TMC1: variants seen among roughly 807,000 people sequenced by gnomAD.
TMC1 encodes the protein transmembrane channel-like protein 1.
Under a neutral mutation model 105.8 loss-of-function variants are expected in TMC1, and 84 were observed. The observed-to-expected ratio is 0.79, with a 90% CI of 0.67 to 0.95. The LOEUF is 0.95. Ranked by LOEUF, TMC1 falls within the 40% of genes least tolerant of loss-of-function variation. TMC1 has a pLI of 0.00. For missense variants in TMC1, 817 were observed against 914.1 expected (o/e 0.89, Z 1.37); for synonymous variants, 315 against 311.5 (o/e 1.01, Z -0.12).
chr9:72,789,275 A>G lies in TMC1; in HGVS notation c.1182A>G (p.Ala394=), dbSNP rs769519448. The change falls in exon 15 of 24, where the codon GCA becomes GCG. Residue 394 remains alanine, a synonymous_variant. Coordinates refer to ENST00000297784, the MANE Select transcript of TMC1 (RefSeq NM_138691.3). ...FWAVKRSQEF[A]QQDPDTLGWW... is the part of the protein sequence containing the mutation. The stretch of plus-strand genomic sequence containing the variant: ...CTGTGAAGCGATCCCAGGAATTTGC[A>G]CAGCAAGATCCTGACACCCTTGGGT... 10 of 1,613,956 alleles carry G rather than the reference A, an allele frequency of 6.2e-6. No individual in the cohort carries two copies. In the East Asian group the frequency reaches 1.3e-4, roughly 22 times the overall value.
chr9:72,729,937 T>C (rs548578639), intron 8 of TMC1, among the ~76,000 whole-genome samples: 1 of 152,352 alleles, frequency 6.6e-6, no homozygotes, highest in Admixed American at 6.5e-5. Context: ...CTAATAGTAA[T>C]GAACTGAGTG....
intron 5 of TMC1, among the ~76,000 whole-genome samples, chr9:72,650,885 T>TATATATATATATATAA (rs1825797741): frequency 7.1e-6 from 1 of 140,214 alleles, no homozygotes; most frequent in Non-Finnish European, 1.5e-5. Flanking sequence ...TATATATAGA[T>TATATATATATATATAA]ATATAGATAT....
chr9:72,652,421 C>G (rs1195640576), intron 5 of TMC1, among the ~76,000 whole-genome samples: 6 of 152,018 alleles, frequency 3.9e-5, no homozygotes, highest in African/African-American at 1.5e-4. Flanking sequence ...GGCTAGATGG[C>G]TAGTAATGGC....
intron 1 of TMC1, among the ~76,000 whole-genome samples, chr9:72,574,975 G>C (rs573759043): frequency 1.3e-5 from 2 of 152,110 alleles, no homozygotes; most frequent in Non-Finnish European, 2.9e-5. Context: ...TTAGTGCCTT[G>C]AGTTTGGTGT....
intron 11 of TMC1, among the ~76,000 whole-genome samples, chr9:72,753,757 A>C (rs572800455): frequency 6.6e-6 from 1 of 152,254 alleles, no homozygotes; most frequent in Non-Finnish European, 1.5e-5. Context: ...CCTCTACCCG[A>C]CGGGCTCACT....
At chr9:72,715,637 G>C (rs887069353) in intron 8 of TMC1, among the ~76,000 whole-genome samples, 19 of 151,870 alleles carry the variant, frequency 1.3e-4, no homozygotes, top group African/African-American at 4.6e-4. Context: ...CTCTAAACTG[G>C]TTATTTCAGT....
chr9:72,535,464 A>C (rs1010060693), intron 1 of TMC1, among the ~76,000 whole-genome samples: 2 of 152,104 alleles, frequency 1.3e-5, no homozygotes, highest in African/African-American at 4.8e-5. Flanking sequence ...CCAACCTATA[A>C]ACCATATCAG....
chr9:72,660,056 A>G (rs1825950520), intron 5 of TMC1, among the ~76,000 whole-genome samples: 1 of 152,124 alleles, frequency 6.6e-6, no homozygotes, highest in Admixed American at 6.6e-5. Flanking sequence ...GAGGAGGATC[A>G]TCAATGCACT....
chr9:72,778,924 C>A (rs149442322), intron 13 of TMC1, among the ~76,000 whole-genome samples: 21 of 152,332 alleles, frequency 1.4e-4, no homozygotes, highest in Admixed American at 6.5e-5. Flanking sequence ...CAGCCTCCCC[C>A]CTCTGCTTTG....
At chr9:72,667,833 C>T (rs777063944) in intron 5 of TMC1, among the ~76,000 whole-genome samples, 12 of 152,142 alleles carry the variant, frequency 7.9e-5, no homozygotes, top group African/African-American at 2.2e-4. Flanking sequence ...GTTTGTTCAG[C>T]GTTTTTCTTC....
chr9:72,572,067 C>T (rs894280578), intron 1 of TMC1, among the ~76,000 whole-genome samples: 2 of 152,186 alleles, frequency 1.3e-5, no homozygotes, highest in African/African-American at 2.4e-5. Flanking sequence ...AACTCCCAAC[C>T]TCAGGTGATC....
chr9:72,694,646 T>C lies in TMC1; in HGVS notation c.168T>C (p.Pro56=). ...RDVINEDDPE[P]EPEDEETRKA... is the part of the protein sequence containing the mutation. ...TTATCAATGAGGATGACCCAGAACCTGAACCAGAGGATGAAGAAACAAGGA... is the reference window on the plus strand; with the variant it reads ...TTATCAATGAGGATGACCCAGAACCCGAACCAGAGGATGAAGAAACAAGGA... Residue 56 remains proline (P), a synonymous_variant, in exon 7 of 24, where the codon CCT becomes CCC. Coordinates refer to ENST00000297784, the MANE Select transcript of TMC1 (RefSeq NM_138691.3). 4 of 1,612,734 alleles carry C rather than the reference T, an allele frequency of 2.5e-6. No homozygotes were observed. The highest frequency in any genetic ancestry group is 3.4e-6 in the Non-Finnish European group (4 of 1,179,384).
chr9:72,754,165 A>G (rs1259030421), intron 11 of TMC1, among the ~76,000 whole-genome samples: 3 of 152,054 alleles, frequency 2.0e-5, no homozygotes, highest in African/African-American at 7.2e-5. Flanking sequence ...CTATGACCCT[A>G]TTCTTGCCCT....
intron 4 of TMC1, among the ~76,000 whole-genome samples, chr9:72,643,230 T>G (rs1825655976): frequency 6.6e-6 from 1 of 152,072 alleles, no homozygotes; most frequent in Non-Finnish European, 1.5e-5. Context: ...AGATTAATCT[T>G]GATGTTTATT....
chr9:72,546,242 G>A (rs775618655), intron 1 of TMC1, among the ~76,000 whole-genome samples: 8 of 152,072 alleles, frequency 5.3e-5, no homozygotes, highest in Non-Finnish European at 1.2e-4. Flanking sequence ...GCAGTGAGTC[G>A]AGATCATAAC....
At chr9:72,627,823 A>C in intron 3 of TMC1, 98 bp from the exon 4 acceptor site, 2 of 348,796 alleles carry the variant, frequency 5.7e-6, no homozygotes, top group East Asian at 1.5e-4. Flanking sequence ...CATAGAATAT[A>C]TTGTATTTAA....
chr9:72,547,097 G>A (rs925518606), intron 1 of TMC1, among the ~76,000 whole-genome samples: 4 of 152,138 alleles, frequency 2.6e-5, no homozygotes, highest in African/African-American at 9.7e-5. Flanking sequence ...GACCAGCCTG[G>A]CCAACATGGT....
intron 8 of TMC1, among the ~76,000 whole-genome samples, chr9:72,720,507 T>C (rs1379410704): frequency 6.6e-6 from 1 of 152,200 alleles, no homozygotes; most frequent in East Asian, 1.9e-4. Context: ...GCTGATAGTG[T>C]GGCTAAGGGG....
intron 1 of TMC1, among the ~76,000 whole-genome samples, chr9:72,539,908 G>A (rs769263626): frequency 1.3e-5 from 2 of 152,182 alleles, no homozygotes; most frequent in Non-Finnish European, 2.9e-5. Flanking sequence ...GAAGCATGGT[G>A]CCAGGATTTG....
Sources: gnomAD v4.1 joint callset for allele counts (sites outside exome capture counted in the v4.1 genomes callset) on GRCh38, gnomAD v4.1.1 for gene constraint, MANE v1.5 for transcripts, NCBI Gene and HGNC (gene_info 2026-07-23, HGNC 2026-07-21) for gene names.